Variants in OR51M1 observed in about 807,000 individuals in gnomAD.
OR51M1 encodes the protein olfactory receptor 51M1.
For synonymous variants in OR51M1, 199 were observed against 155.1 expected, an observed-to-expected ratio of 1.28 and a Z score of -2.10; for missense variants, 509 against 404.4, an observed-to-expected ratio of 1.26 and a Z score of -2.22.
chr11:5,388,096 AATT>A (rs551700932), intron 2 of OR51M1, among the ~76,000 whole-genome samples: 102 of 152,258 alleles, frequency 6.7e-4, no homozygotes, highest in African/African-American at 2.4e-3. Flanking sequence ...ATTAATGAAT[AATT>A]ATTGAAATAA....
rs1431206420 is a variant in OR51M1, at chr11:5,389,655, G to A, written c.257G>A (p.Cys86Tyr). 2 of 1,613,602 alleles carry A rather than the reference G, an allele frequency of 1.2e-6. No homozygotes were observed. The highest frequency in any genetic ancestry group is 1.7e-6 in the Non-Finnish European group (2 of 1,179,886). ...SLLALTDLGL[C>Y]VSTLPTTMGI... ...CTGGCCCTCACTGACCTGGGGCTGT[G>A]TGTGTCCACGTTGCCCACCACTATG... The change falls in exon 3 of 3, where the codon TGT becomes TAT. Residue 86 changes from cysteine (C) to tyrosine (Y), a missense_variant. Transcript: ENST00000642046.
chr11:5,389,302 G>T, intron 2 of OR51M1, 82 bp from the exon 3 acceptor site: 2 of 1,178,070 alleles, frequency 1.7e-6, no homozygotes, highest in Non-Finnish European at 2.4e-6. Flanking sequence ...TAAAGGTGAT[G>T]ATGACCATGG....
At chr11:5,386,185 TAGA>T (rs992697940) in intron 2 of OR51M1, among the ~76,000 whole-genome samples, 1 of 151,988 alleles carries the variant, frequency 6.6e-6, no homozygotes, top group Non-Finnish European at 1.5e-5. Context: ...GCAATAAATA[TAGA>T]AGAATAAAAA....
intron 2 of OR51M1, among the ~76,000 whole-genome samples, chr11:5,386,938 G>A (rs1211021012): frequency 1.3e-5 from 2 of 151,988 alleles, no homozygotes; most frequent in Non-Finnish European, 2.9e-5. Flanking sequence ...ATGGATGCTG[G>A]GCTCAATATT....
intron 2 of OR51M1, among the ~76,000 whole-genome samples, chr11:5,386,266 T>C (rs1477981481): frequency 6.6e-6 from 1 of 150,970 alleles, no homozygotes; most frequent in Non-Finnish European, 1.5e-5. Context: ...AAAAGATGGG[T>C]TTGGAAAGGT....
chr11:5,388,210 A>T (rs1041863805), intron 2 of OR51M1, among the ~76,000 whole-genome samples: 2 of 152,124 alleles, frequency 1.3e-5, no homozygotes, highest in African/African-American at 4.8e-5. Flanking sequence ...TATGGTGGCT[A>T]AAAAAGTCAA....
rs991642983 is a variant in OR51M1 at position 5,393,215 on chromosome 11, T to C, written c.*2836T>C. 6.6e-6 allele frequency: 1 copy of C among 152,246 alleles called. No homozygotes were observed. Among genetic ancestry groups the C allele is most frequent in the African/African-American group, 2.4e-5 (1 of 41,478 alleles). 9.4% of individuals were successfully genotyped at this position (152,246 alleles called of 1,614,324 possible). A position where few individuals can be genotyped will look rare whatever the true frequency, so the allele number is the denominator to read the frequency against. ...AGTGATCAATAAATATGTGTTGAAC[T>C]ATTTAATAAGTGAATATTATAATTT... On this transcript the variant is annotated 3_prime_UTR_variant, in exon 3 of 3. Coordinates refer to ENST00000642046, the MANE Select transcript of OR51M1 (RefSeq NM_001004756.3).
In OR51M1 at chr11:5,389,832, C is replaced by T; in HGVS notation, c.434C>T (p.Ser145Leu). ...LVAICHPLRY[S>L]VIITGQQVVR... Reference sequence around the variant, plus strand: ...GCCATCTGCCACCCTCTGAGGTATTCGGTCATTATCACTGGCCAGCAAGTG... The same window carrying T: ...GCCATCTGCCACCCTCTGAGGTATTTGGTCATTATCACTGGCCAGCAAGTG... The change falls in exon 3 of 3, where the codon TCG becomes TTG. Residue 145 changes from serine to leucine, a missense_variant. Transcript: ENST00000642046. 5.6e-6 allele frequency: 9 copies of T among 1,613,900 alleles called. No individual in the cohort carries two copies. The highest frequency in any genetic ancestry group is 2.2e-5 in the East Asian group (1 of 44,884).
At chr11:5,386,142 G>T (rs1022950360) in intron 2 of OR51M1, among the ~76,000 whole-genome samples, 1 of 151,990 alleles carries the variant, frequency 6.6e-6, no homozygotes, top group Non-Finnish European at 1.5e-5. Context: ...GTGTTTACTG[G>T]TTGGAAAAAC....
Position 5,389,460 on chromosome 11 carries a change from GC to G in OR51M1, c.66del (p.Ile23TyrfsTer36). On this transcript the variant is annotated frameshift_variant, in exon 3 of 3. Coordinates refer to ENST00000642046, the MANE Select transcript of OR51M1 (RefSeq NM_001004756.3). LOFTEE classifies it low-confidence loss of function (END_TRUNC). ...CTGCTATCCAACATTACTCAGTTTA[GC>G]CCCATATTCTATCTCACCAGCTTTC... is the stretch of plus-strand genomic sequence containing the variant. The part of the protein sequence containing the change: ...FMLLSNITQF[S>X]PIFYLTSFPG... 2 of 1,613,918 alleles carry G rather than the reference GC, an allele frequency of 1.2e-6. No homozygotes were observed. The highest frequency in any genetic ancestry group is 8.5e-7 in the Non-Finnish European group (1 of 1,179,840).
At position 5,385,385 on chromosome 11, in the gene OR51M1, C is replaced by T. The variant is rs1343863647; in HGVS notation, c.-89C>T. Reference sequence around the variant, plus strand: ...GTTTCTACCAGATCCTTCTCCCTGTCCATCTCATCACTCTGAAGTTGGTGA... The same window carrying T: ...GTTTCTACCAGATCCTTCTCCCTGTTCATCTCATCACTCTGAAGTTGGTGA... On this transcript the variant is annotated 5_prime_UTR_variant, in exon 2 of 3. Coordinates refer to ENST00000642046, the MANE Select transcript of OR51M1 (RefSeq NM_001004756.3). 2.0e-5 allele frequency: 3 copies of T among 152,220 alleles called. No homozygotes were observed. Among genetic ancestry groups the T allele is most frequent in the Admixed American group, 6.5e-5 (1 of 15,288 alleles). The allele number at this position is 152,220 out of a possible 1,614,324, so 9.4% of individuals were successfully genotyped here. A position where few individuals can be genotyped will look rare whatever the true frequency, so the allele number is the denominator to read the frequency against.
At chr11:5,387,396 A>G (rs1849712136) in intron 2 of OR51M1, among the ~76,000 whole-genome samples, 2 of 152,190 alleles carry the variant, frequency 1.3e-5, no homozygotes, top group Admixed American at 6.5e-5. Flanking sequence ...AAAAAACATT[A>G]TAGGGTGGTT....
Position 5,389,638 on chromosome 11 carries a change from C to T in OR51M1, c.240C>T (p.Leu80=), listed in dbSNP as rs745349003. The T allele has an allele frequency of 4.3e-6, 7 of 1,613,598 alleles. No individual in the cohort carries two copies. Among genetic ancestry groups the T allele is most frequent in the Non-Finnish European group, 5.9e-6 (7 of 1,179,908 alleles). ...ACTATCTACTATCCTTGCTGGCCCTCACTGACCTGGGGCTGTGTGTGTCCA... is the reference window on the plus strand; with the variant it reads ...ACTATCTACTATCCTTGCTGGCCCTTACTGACCTGGGGCTGTGTGTGTCCA... The part of the protein sequence containing the change: ...PMYYLLSLLA[L]TDLGLCVSTL... Residue 80 remains leucine, a synonymous_variant, in exon 3 of 3, where the codon CTC becomes CTT. Coordinates refer to ENST00000642046, the MANE Select transcript of OR51M1 (RefSeq NM_001004756.3).
intron 2 of OR51M1, among the ~76,000 whole-genome samples, chr11:5,386,826 G>C (rs1043851779): frequency 1.7e-4 from 22 of 130,644 alleles, no homozygotes; most frequent in Non-Finnish European, 2.7e-4. Flanking sequence ...GAGGGAGAGG[G>C]TTGAGTAGAG....
Position 5,390,280 on chromosome 11 carries a change from T to A in OR51M1, c.882T>A (p.Phe294Leu), listed in dbSNP as rs1849775335. ...TTCTTATGGCCAATGTCTACCTTTT[T>A]GTGCCTCCCATGCTTAACCCAATCA... ...IHLLMANVYL[F>L]VPPMLNPIIY... Residue 294 changes from phenylalanine to leucine, a missense_variant, in exon 3 of 3, where the codon TTT becomes TTA. Physicochemically the swap from Phe to Leu is conservative, Grantham distance 22. Coordinates refer to ENST00000642046, the MANE Select transcript of OR51M1 (RefSeq NM_001004756.3). 6.2e-7 allele frequency: 1 copy of A among 1,613,944 alleles called. No individual in the cohort carries two copies. Among genetic ancestry groups the A allele is most frequent in the Non-Finnish European group, 8.5e-7 (1 of 1,179,918 alleles).
At chr11:5,387,030 A>T (rs1449250069) in intron 2 of OR51M1, among the ~76,000 whole-genome samples, 1 of 152,186 alleles carries the variant, frequency 6.6e-6, no homozygotes, top group Admixed American at 6.5e-5. Flanking sequence ...TAACGGAGTT[A>T]TCTGGACTAG....
In OR51M1 at chr11:5,389,954, C is replaced by G. The variant is rs1564797234; in HGVS notation, c.556C>G (p.Leu186Val). ...TTTTCCCTACTGTGGATCTGTGGTC[C>G]TCTCCCACTCATTTTGCCTGCACCA... ...KAFPYCGSVV[L>V]SHSFCLHQEV... Residue 186 changes from leucine (L) to valine (V), a missense_variant, in exon 3 of 3, where the codon CTC becomes GTC. Physicochemically the swap from Leu to Val is conservative, Grantham distance 32. Transcript: ENST00000642046. 1.2e-6 allele frequency: 2 copies of G among 1,611,512 alleles called. No homozygotes were observed. Among genetic ancestry groups the G allele is most frequent in the African/African-American group, 1.3e-5 (1 of 75,046 alleles).
rs374308422 is a variant in OR51M1, at chr11:5,389,890, A to G, written c.492A>G (p.Gly164=). Residue 164 remains glycine, a synonymous_variant, in exon 3 of 3, where the codon GGA becomes GGG. Coordinates refer to ENST00000642046, the MANE Select transcript of OR51M1 (RefSeq NM_001004756.3). The stretch of plus-strand genomic sequence containing the variant: ...CAGGCCTAATTGTCATCTTCCGGGG[A>G]CCTGTGGCCACTATCCCTATTGTCC... The part of the protein sequence containing the change: ...VRAGLIVIFR[G]PVATIPIVLL... 9.7e-5 allele frequency: 156 copies of G among 1,612,436 alleles called. No homozygotes were observed. The African/African-American group carries it at 1.9e-3, about 19-fold the overall frequency.
In OR51M1 at chr11:5,392,778, G is replaced by A. The variant is rs1025115955; in HGVS notation, c.*2399G>A. On this transcript the variant is annotated 3_prime_UTR_variant, in exon 3 of 3. Transcript: ENST00000642046. ...ATACAAAAAGTTAGCCGGGCATGGT[G>A]GTGGGCACCTGTAGTCCCAGCTACT... 6.6e-6 allele frequency: 1 copy of A among 152,280 alleles called. No individual in the cohort carries two copies. Among genetic ancestry groups the A allele is most frequent in the Admixed American group, 6.5e-5 (1 of 15,302 alleles). 9.4% of individuals were successfully genotyped at this position (152,280 alleles called of 1,614,324 possible).
Sources: allele counts gnomAD v4.1 joint callset (sites outside exome capture counted in the v4.1 genomes callset), GRCh38; gene constraint gnomAD v4.1.1; transcripts MANE v1.5; gene names NCBI Gene and HGNC (gene_info 2026-07-23, HGNC 2026-07-21).